CSN2: variants seen among roughly 807,000 people sequenced by gnomAD.
CSN2 encodes the protein casein beta.
Under a neutral mutation model 27.3 loss-of-function variants are expected in CSN2, and 27 were observed. The observed-to-expected ratio is 0.99, with a 90% CI of 0.73 to 1.36. The LOEUF (loss-of-function observed/expected upper bound fraction) is 1.36, where lower values mean the gene tolerates loss of function less well. CSN2 is among the 40% of genes most tolerant of loss of function. The pLI is 0.00. For missense variants in CSN2, 333 were observed against 264.5 expected (o/e 1.26, Z -1.80); for synonymous variants, 131 against 94.8 (o/e 1.38, Z -2.22).
intron 1 of CSN2, among the ~76,000 whole-genome samples, chr4:69,965,234 A>G (rs1219475907): frequency 1.3e-5 from 2 of 151,412 alleles, no homozygotes; most frequent in African/African-American, 4.8e-5. Flanking sequence ...TTCTCAACTC[A>G]GTATGCTACT....
chr4:69,963,701 C>T (rs528165438), intron 1 of CSN2, among the ~76,000 whole-genome samples: 2 of 152,058 alleles, frequency 1.3e-5, no homozygotes, highest in African/African-American at 4.8e-5. Flanking sequence ...CAAACCTGCA[C>T]TTTGTGCACA....
At chr4:69,956,033 T>C (rs1723386566) in intron 7 of CSN2, among the ~76,000 whole-genome samples, 1 of 152,094 alleles carries the variant, frequency 6.6e-6, no homozygotes, top group Non-Finnish European at 1.5e-5. Context: ...TATTCTGTCT[T>C]TCCTAAAAAT....
chr4:69,958,606 G>A (rs1723476168), intron 5 of CSN2, among the ~76,000 whole-genome samples: 1 of 152,008 alleles, frequency 6.6e-6, no homozygotes, highest in Non-Finnish European at 1.5e-5. Context: ...TTGGAAATAA[G>A]AGGATCATAG....
At chr4:69,963,251 A>T (rs1284302692) in intron 1 of CSN2, among the ~76,000 whole-genome samples, 5 of 152,106 alleles carry the variant, frequency 3.3e-5, no homozygotes, top group African/African-American at 7.3e-5. Context: ...TACCCAAAGG[A>T]TTATAAATCA....
In CSN2 at chr4:69,957,719, A is replaced by G. The variant is rs566037340; in HGVS notation, c.230T>C (p.Leu77Pro). Residue 77 changes from leucine (L) to proline (P), a missense_variant, in exon 6 of 8, where the codon CTT (leucine) becomes CCT (proline). Leu to Pro is a moderately conservative substitution (Grantham distance 98). Coordinates refer to ENST00000353151, the MANE Select transcript of CSN2 (RefSeq NM_001891.4). ...AGCAAGAGGCAGAATGTTTTGTGGA[A>G]GAAAACCATAGGGGATAGGTTCAAC... ...PFVEPIPYGF[L>P]PQNILPLAQP... 12 of 1,614,032 alleles carry G rather than the reference A, an allele frequency of 7.4e-6. No homozygotes were observed. The East Asian group carries it at 2.0e-4, about 27-fold the overall frequency.
At chr4:69,965,442 A>G (rs1723773569) in intron 1 of CSN2, among the ~76,000 whole-genome samples, 2 of 136,076 alleles carry the variant, frequency 1.5e-5, no homozygotes, top group South Asian at 4.7e-4. Context: ...ATATATATAT[A>G]TATGCATAAA....
intron 1 of CSN2, among the ~76,000 whole-genome samples, chr4:69,963,632 T>A (rs1723686405): frequency 2.6e-5 from 4 of 152,264 alleles, no homozygotes; most frequent in Admixed American, 2.0e-4. Flanking sequence ...ATATACCTAA[T>A]GTTAAATGAC....
chr4:69,958,947 C>G lies in CSN2; in HGVS notation c.106G>C (p.Val36Leu). Residue 36 changes from valine to leucine, a missense_variant, in exon 5 of 8, where the codon GTT becomes CTT. Val to Leu is a conservative substitution (Grantham distance 32, BLOSUM62 1). Transcript: ENST00000353151. Reference protein sequence around the residue: ...EESITEYKQKVEKVKHEDQQQ... With the variant: ...EESITEYKQKLEKVKHEDQQQ... Reference sequence around the variant, plus strand: ...TGGTCCTCATGTTTAACCTTCTCAACTTTCTGCTAAAGATATATCATATAT... The same window carrying G: ...TGGTCCTCATGTTTAACCTTCTCAAGTTTCTGCTAAAGATATATCATATAT... 6.3e-7 allele frequency: 1 copy of G among 1,598,608 alleles called. No individual in the cohort carries two copies. The highest frequency in any genetic ancestry group is 8.6e-7 in the Non-Finnish European group (1 of 1,169,516).
At chr4:69,960,674 C>T (rs538107771) in intron 2 of CSN2, among the ~76,000 whole-genome samples, 14 of 152,030 alleles carry the variant, frequency 9.2e-5, no homozygotes, top group East Asian at 7.7e-4. Flanking sequence ...TATTATATTT[C>T]GTTGCCATTT....
chr4:69,962,976 C>T (rs1723655815), intron 1 of CSN2, among the ~76,000 whole-genome samples: 1 of 152,146 alleles, frequency 6.6e-6, no homozygotes, highest in Non-Finnish European at 1.5e-5. Flanking sequence ...CCAAAAATCA[C>T]ATGAAAAAAT....
intron 2 of CSN2, among the ~76,000 whole-genome samples, 183 bp downstream of exon 2, chr4:69,960,762 G>T (rs1444380959): frequency 6.6e-6 from 1 of 151,890 alleles, no homozygotes; most frequent in Non-Finnish European, 1.5e-5. Context: ...GAAGCATTTG[G>T]GGCACTATAG....
At chr4:69,959,912 C>T in intron 3 of CSN2, 141 bp downstream of exon 3, 2 of 639,034 alleles carry the variant, frequency 3.1e-6, no homozygotes, top group South Asian at 2.5e-5. Context: ...ACTTATTGTC[C>T]TTAAACACAC....
Position 69,957,784 on chromosome 4 carries a change from G to A in CSN2, c.165C>T (p.Ile55=). ...QQGEDEHQDK[I]YPSFQPQPLI... is the part of the protein sequence containing the mutation. ...GAGGCTGTGGCTGGAAAGAGGGGTAGATTTTATCCTGGTGTTCATCCTGGA... is the reference window on the plus strand; with the variant it reads ...GAGGCTGTGGCTGGAAAGAGGGGTAAATTTTATCCTGGTGTTCATCCTGGA... Residue 55 remains isoleucine, a synonymous_variant, in exon 6 of 8, where the codon ATC becomes ATT. Coordinates refer to ENST00000353151, the MANE Select transcript of CSN2 (RefSeq NM_001891.4). 1 of 1,613,036 alleles carries A rather than the reference G, an allele frequency of 6.2e-7. No homozygotes were observed. The highest frequency in any genetic ancestry group is 8.5e-7 in the Non-Finnish European group (1 of 1,179,332).
At chr4:69,964,311 AC>A (rs2109750182) in intron 1 of CSN2, among the ~76,000 whole-genome samples, 1 of 152,210 alleles carries the variant, frequency 6.6e-6, no homozygotes, top group East Asian at 1.9e-4. Flanking sequence ...AATATTTTTG[AC>A]CAAAATATAC....
intron 3 of CSN2, among the ~76,000 whole-genome samples, 195 bp from the exon 4 acceptor site, chr4:69,959,264 A>G (rs926736903): frequency 6.6e-6 from 1 of 151,204 alleles, no homozygotes; most frequent in East Asian, 1.9e-4. Flanking sequence ...CAAGAAGGAC[A>G]TGGTACAAAA....
intron 5 of CSN2, among the ~76,000 whole-genome samples, chr4:69,958,375 T>C (rs930704233): frequency 6.6e-6 from 1 of 152,168 alleles, no homozygotes; most frequent in Non-Finnish European, 1.5e-5. Flanking sequence ...ACATCAATTT[T>C]TTTGTTTAAA....
At chr4:69,963,807 A>C (rs1282064283) in intron 1 of CSN2, among the ~76,000 whole-genome samples, 1 of 152,190 alleles carries the variant, frequency 6.6e-6, no homozygotes, top group Non-Finnish European at 1.5e-5. Context: ...ATTTCTTTAG[A>C]ATCTGTTCTT....
At chr4:69,964,619 A>G (rs1034158225) in intron 1 of CSN2, among the ~76,000 whole-genome samples, 12 of 151,456 alleles carry the variant, frequency 7.9e-5, no homozygotes, top group African/African-American at 2.2e-4. Context: ...TAAGACCACT[A>G]TAAGTTCCCA....
At chr4:69,962,276 GT>G (rs1292308819) in intron 1 of CSN2, among the ~76,000 whole-genome samples, 1 of 152,056 alleles carries the variant, frequency 6.6e-6, no homozygotes, top group African/African-American at 2.4e-5. Flanking sequence ...ACATTGCCAA[GT>G]AAATCCTAAG....
Sources: gnomAD v4.1 joint callset for allele counts (sites outside exome capture counted in the v4.1 genomes callset) on GRCh38, gnomAD v4.1.1 for gene constraint, MANE v1.5 for transcripts, NCBI Gene and HGNC (gene_info 2026-07-23, HGNC 2026-07-21) for gene names.